Variants in CCDC102B observed in about 807,000 individuals in gnomAD.
CCDC102B encodes coiled-coil domain containing 102B.
Under a neutral mutation model 57.4 loss-of-function variants are expected in CCDC102B, and 75 were observed. That is an observed-to-expected ratio of 1.31 (90% confidence interval 1.08 to 1.58). CCDC102B has a LOEUF of 1.58. Ranked by LOEUF, CCDC102B falls within the 40% of genes most tolerant of loss-of-function variation. CCDC102B has a pLI of 0.00. For missense variants in CCDC102B, 636 were observed against 582.6 expected (o/e 1.09, Z -0.94); for synonymous variants, 206 against 201.9 (o/e 1.02, Z -0.17).
chr18:69,055,767 A>G (rs1232162530), downstream of CCDC102B, among the ~76,000 whole-genome samples: 3 of 152,094 alleles, frequency 2.0e-5, no homozygotes, highest in Non-Finnish European at 4.4e-5. Flanking sequence ...TTAGACTTCT[A>G]TAGTTTCTTG....
chr18:68,735,297 G>T (rs1212527845), intron 2 of CCDC102B, among the ~76,000 whole-genome samples: 1 of 152,062 alleles, frequency 6.6e-6, no homozygotes, highest in African/African-American at 2.4e-5. Flanking sequence ...GACCTCAGGC[G>T]ATCTGCCTGC....
At chr18:68,790,563 C>A (rs2035415388) in intron 2 of CCDC102B, among the ~76,000 whole-genome samples, 1 of 152,200 alleles carries the variant, frequency 6.6e-6, no homozygotes, top group South Asian at 2.1e-4. Flanking sequence ...CGGAAAAGTG[C>A]AGTATTCGGG....
At chr18:68,964,626 T>G (rs1460604648) in intron 6 of CCDC102B, among the ~76,000 whole-genome samples, 1 of 151,920 alleles carries the variant, frequency 6.6e-6, no homozygotes, top group Non-Finnish European at 1.5e-5. Context: ...GTTTCTCTTT[T>G]AAACTATGTC....
At chr18:68,896,107 T>A (rs1217496823) in intron 5 of CCDC102B, among the ~76,000 whole-genome samples, 2 of 151,992 alleles carry the variant, frequency 1.3e-5, no homozygotes, top group African/African-American at 4.8e-5. Context: ...AGAGAATAAA[T>A]GGTGAAGTCA....
chr18:68,748,205 GGTGTGT>G (rs5825872), intron 2 of CCDC102B, among the ~76,000 whole-genome samples: 3,282 of 137,540 alleles, frequency 0.024, 95 homozygotes, highest in African/African-American at 0.042. Flanking sequence ...TTATTAAACT[GGTGTGT>G]GTGTGTGTGT....
At position 68,763,684 on chromosome 18, in the gene CCDC102B, A is replaced by AACAAATATTCCTCAATACAG. The variant is rs36227798; in HGVS notation, c.-67+47171_-67+47190dup. Among the ~76,000 whole-genome samples the AACAAATATTCCTCAATACAG allele has an allele frequency of 9.5e-4, 118 of 123,890 alleles. 6 individuals are homozygous for AACAAATATTCCTCAATACAG. The highest frequency in any genetic ancestry group is 8.8e-3 in the Middle Eastern group (2 of 228). 81.3% of individuals were successfully genotyped at this position (123,890 alleles called of 152,430 possible). A position where few individuals can be genotyped will look rare whatever the true frequency, so the allele number is the denominator to read the frequency against. ...ATTCTGTATTGAGGAATATTTGTTA[A>AACAAATATTCCTCAATACAG]ACAAATATTCCTCAATACAGACAAA... is the stretch of plus-strand genomic sequence containing the variant. On this transcript the variant is annotated intron_variant, in intron 2 of 3. Coordinates refer to the CCDC102B transcript ENST00000578970.
chr18:68,746,569 A>G (rs2033628140), intron 2 of CCDC102B, among the ~76,000 whole-genome samples: 1 of 152,104 alleles, frequency 6.6e-6, no homozygotes, highest in East Asian at 1.9e-4. Context: ...AGTATCTTTC[A>G]TTTCAAGAAA....
chr18:68,832,871 C>G (rs922773361), intron 1 of CCDC102B, among the ~76,000 whole-genome samples: 5 of 151,842 alleles, frequency 3.3e-5, no homozygotes, highest in African/African-American at 1.2e-4. Flanking sequence ...ATCCAGGTAG[C>G]CGACACAGGG....
At chr18:68,954,714 AT>A (rs1234956376) in intron 6 of CCDC102B, among the ~76,000 whole-genome samples, 2 of 152,166 alleles carry the variant, frequency 1.3e-5, no homozygotes, top group Non-Finnish European at 2.9e-5. Context: ...TTTTAGAATT[AT>A]TTTATAACTT....
intron 6 of CCDC102B, among the ~76,000 whole-genome samples, chr18:68,913,800 A>G (rs1284302552): frequency 6.6e-6 from 1 of 152,340 alleles, no homozygotes; most frequent in East Asian, 1.9e-4. Flanking sequence ...GGCAGTTCCT[A>G]TTCTATTACT....
At chr18:69,039,358 A>C (rs1216323140) in intron 7 of CCDC102B, among the ~76,000 whole-genome samples, 1 of 151,984 alleles carries the variant, frequency 6.6e-6, no homozygotes, top group East Asian at 1.9e-4. Context: ...ATATTATTCT[A>C]ATGCAGATAT....
intron 3 of CCDC102B, among the ~76,000 whole-genome samples, chr18:68,845,246 T>C (rs1428103286): frequency 6.6e-6 from 1 of 151,886 alleles, no homozygotes; most frequent in Non-Finnish European, 1.5e-5. Flanking sequence ...TAAATGACAT[T>C]CAATATTGAT....
chr18:68,719,444 T>A (rs978189764), intron 2 of CCDC102B, among the ~76,000 whole-genome samples: 1 of 152,144 alleles, frequency 6.6e-6, no homozygotes, highest in Non-Finnish European at 1.5e-5. Flanking sequence ...GTGATGTAAG[T>A]CATGGTGTGA....
intron 2 of CCDC102B, among the ~76,000 whole-genome samples, chr18:68,780,762 T>C (rs1341125487): frequency 6.6e-6 from 1 of 152,078 alleles, no homozygotes; most frequent in East Asian, 1.9e-4. Flanking sequence ...CTGATGTTAC[T>C]TGGATCAGAA....
intron 6 of CCDC102B, among the ~76,000 whole-genome samples, chr18:68,981,518 C>T (rs751481459): frequency 1.1e-4 from 17 of 151,938 alleles, no homozygotes; most frequent in South Asian, 2.1e-4. Context: ...ACGATTTGTC[C>T]TAAGCCATTG....
At chr18:68,964,825 C>T (rs913388316) in intron 6 of CCDC102B, among the ~76,000 whole-genome samples, 4 of 151,992 alleles carry the variant, frequency 2.6e-5, no homozygotes, top group East Asian at 1.9e-4. Flanking sequence ...CTTTCCTCCT[C>T]ATTCCTGAAG....
chr18:69,032,991 C>T (rs1177682329), intron 7 of CCDC102B, among the ~76,000 whole-genome samples: 1 of 152,070 alleles, frequency 6.6e-6, no homozygotes, highest in Non-Finnish European at 1.5e-5. Flanking sequence ...CATTGTAAAG[C>T]AATGTCAATT....
At chr18:68,956,362 T>TATATA (rs2049857224) in intron 6 of CCDC102B, among the ~76,000 whole-genome samples, 4 of 48,746 alleles carry the variant, frequency 8.2e-5, no homozygotes, top group Admixed American at 4.3e-4. Flanking sequence ...ATATATATAA[T>TATATA]ATATATATAA....
At chr18:68,735,437 T>G (rs912322320) in intron 2 of CCDC102B, among the ~76,000 whole-genome samples, 9 of 152,242 alleles carry the variant, frequency 5.9e-5, no homozygotes, top group Non-Finnish European at 1.0e-4. Context: ...TATTTAAAAA[T>G]ATCCCACTCC....
Sources: gnomAD v4.1 joint callset for allele counts (sites outside exome capture counted in the v4.1 genomes callset) on GRCh38, gnomAD v4.1.1 for gene constraint, MANE v1.5 for transcripts, NCBI Gene and HGNC (gene_info 2026-07-23, HGNC 2026-07-21) for gene names.